Variants in SLC30A5 observed in about 807,000 individuals in gnomAD.
The protein encoded by SLC30A5 is proton-coupled zinc antiporter SLC30A5.
SLC30A5 carries 33 observed loss-of-function variants against 79.6 expected under a neutral mutation model. The observed-to-expected ratio is 0.41, with a 90% confidence interval of 0.31 to 0.55. The LOEUF is 0.55. Among genes scored for constraint, SLC30A5 ranks in the 20% least tolerant of loss-of-function variants. The pLI is 0.20. For missense variants in SLC30A5, 788 were observed against 928.1 expected, an observed-to-expected ratio of 0.85 and a Z score of 1.96; for synonymous variants, 299 against 319.7, an observed-to-expected ratio of 0.94 and a Z score of 0.69.
At chr5:69,122,690 T>C (rs890475568) in intron 13 of SLC30A5, among the ~76,000 whole-genome samples, 1 of 152,174 alleles carries the variant, frequency 6.6e-6, no homozygotes, top group African/African-American at 2.4e-5. Context: ...TGTTCTTAAA[T>C]GTTAGTTTTT....
intron 4 of SLC30A5, 92 bp from the exon 5 acceptor site, chr5:69,108,257 G>A: frequency 1.0e-6 from 1 of 968,788 alleles, no homozygotes; most frequent in South Asian, 1.5e-5. Context: ...AAATCAAGGG[G>A]AAATGTTTTT....
chr5:69,101,711 CT>C (rs1258119509), intron 2 of SLC30A5, among the ~76,000 whole-genome samples: 3 of 151,444 alleles, frequency 2.0e-5, no homozygotes, highest in Admixed American at 2.0e-4. Context: ...AATCCCAGCA[CT>C]TTGGGAGGCG....
rs148754212 is a variant in SLC30A5 at position 69,121,242 on chromosome 5, A to G, written c.1570-452A>G. 2.6e-3 allele frequency among the ~76,000 whole-genome samples: 396 copies of G among 152,346 alleles called. 5 individuals are homozygous for G. The Middle Eastern group carries it at 0.027, about 10-fold the overall frequency. On this transcript the variant is annotated intron_variant, in intron 12 of 15. Transcript: ENST00000396591. ...GAAAATTTTACTGTGTTTAAGACAT[A>G]ATAAGACCATATTTGGAATCTGCTC... is the stretch of plus-strand genomic sequence containing the variant.
intron 12 of SLC30A5, among the ~76,000 whole-genome samples, chr5:69,119,165 T>C (rs1746469378): frequency 6.6e-6 from 1 of 152,178 alleles, no homozygotes; most frequent in South Asian, 2.1e-4. Flanking sequence ...TTTCTTGTAG[T>C]TGGCATGTCC....
intron 3 of SLC30A5, chr5:69,103,830 A>G: frequency 1.5e-6 from 1 of 683,098 alleles, no homozygotes; most frequent in Non-Finnish European, 2.4e-6. Flanking sequence ...TTATGCCATG[A>G]CTTACAAACC....
intron 2 of SLC30A5, 105 bp downstream of exon 2, chr5:69,101,034 C>T: frequency 8.9e-7 from 1 of 1,122,412 alleles, no homozygotes; most frequent in East Asian, 2.5e-5. Flanking sequence ...TTGTTTGTTC[C>T]TCCTGACAAG....
chr5:69,118,276 G>GTA (rs1746432257), intron 11 of SLC30A5: 1 of 65,598 alleles, frequency 1.5e-5, no homozygotes. Flanking sequence ...CATATATAAC[G>GTA]TATATATATT....
intron 14 of SLC30A5, among the ~76,000 whole-genome samples, chr5:69,123,726 T>G (rs189457707): frequency 9.8e-4 from 149 of 152,326 alleles, no homozygotes; most frequent in Non-Finnish European, 1.6e-3. Flanking sequence ...GATTTCAATT[T>G]AGTTGCCTTC....
At chr5:69,121,648 A>G (rs1210520828) in intron 12 of SLC30A5, 46 bp from the exon 13 acceptor site, 3 of 1,336,512 alleles carry the variant, frequency 2.2e-6, no homozygotes, top group Non-Finnish European at 3.1e-6. Flanking sequence ...TAACAAGTCT[A>G]TTTTTAAATT....
chr5:69,127,473 CAAAAAAA>C lies in SLC30A5; in HGVS notation c.1999-515_1999-509del, dbSNP rs70989993. On this transcript the variant is annotated intron_variant, in intron 14 of 15. Coordinates refer to ENST00000396591, the MANE Select transcript of SLC30A5 (RefSeq NM_022902.5). ...GTGAAACCCCATCTGTACTAAAATA[CAAAAAAA>C]AAAAAAAAAAAAAAATTTAGCCAGG... is the stretch of plus-strand genomic sequence containing the variant. 8.1e-3 allele frequency among the ~76,000 whole-genome samples: 631 copies of C among 77,890 alleles called. 2 individuals are homozygous for C. Among genetic ancestry groups the C allele is most frequent in the Middle Eastern group, 0.031 (4 of 128 alleles). The allele number at this position is 77,890 out of a possible 152,430, so 51.1% of individuals were successfully genotyped here.
chr5:69,094,817 A>C (rs1409626543), intron 1 of SLC30A5, among the ~76,000 whole-genome samples: 1 of 152,126 alleles, frequency 6.6e-6, no homozygotes, highest in Non-Finnish European at 1.5e-5. Context: ...GAGCACATCG[A>C]GGGTCCAGCC....
intron 5 of SLC30A5, among the ~76,000 whole-genome samples, chr5:69,109,131 A>G (rs1001309611): frequency 6.6e-6 from 1 of 152,206 alleles, no homozygotes; most frequent in African/African-American, 2.4e-5. Context: ...AGTATTTCAT[A>G]TCACAATAGG....
Position 69,104,684 on chromosome 5 carries a change from G to C in SLC30A5, c.327G>C (p.Trp109Cys). The part of the protein sequence containing the change: ...AVAGCIISLL[W>C]FFGLTLCGPL... ...CTGGGTGTATTATTTCACTCTTGTG[G>C]TTTTTTGGCCTCACTCTTTGTGGAC... Residue 109 changes from tryptophan (W) to cysteine (C), a missense_variant, in exon 4 of 16, where the codon TGG (tryptophan) becomes TGC (cysteine). By Grantham distance (215) the Trp-to-Cys change is radical. Coordinates refer to ENST00000396591, the MANE Select transcript of SLC30A5 (RefSeq NM_022902.5). 1 of 1,590,018 alleles carries C rather than the reference G, an allele frequency of 6.3e-7. No homozygotes were observed. Among genetic ancestry groups the C allele is most frequent in the Non-Finnish European group, 8.5e-7 (1 of 1,170,946 alleles).
chr5:69,126,597 C>T (rs1746695088), intron 14 of SLC30A5, among the ~76,000 whole-genome samples: 2 of 151,932 alleles, frequency 1.3e-5, no homozygotes, highest in African/African-American at 2.4e-5. Context: ...CCCATCTCTA[C>T]TAAAACTACA....
At chr5:69,117,958 A>G (rs1390930930) in intron 11 of SLC30A5, among the ~76,000 whole-genome samples, 1 of 150,782 alleles carries the variant, frequency 6.6e-6, no homozygotes, top group Non-Finnish European at 1.5e-5. Context: ...GGCGGATCAC[A>G]GGGTCAGGAG....
intron 4 of SLC30A5, among the ~76,000 whole-genome samples, chr5:69,105,232 A>G (rs1034827742): frequency 6.6e-6 from 1 of 152,214 alleles, no homozygotes; most frequent in African/African-American, 2.4e-5. Context: ...TATATAGATT[A>G]GTCTTTTTCT....
In SLC30A5 at chr5:69,129,796, A is replaced by C. The variant is rs1746803203; in HGVS notation, c.*179A>C. 2.1e-6 allele frequency: 1 copy of C among 471,248 alleles called. No individual in the cohort carries two copies. Among genetic ancestry groups the C allele is most frequent in the Admixed American group, 4.0e-5 (1 of 25,222 alleles). The allele number at this position is 471,248 out of a possible 1,614,324, so 29.2% of individuals were successfully genotyped here. ...ATACAGAATGAAACATTAATGGTAA[A>C]AGTGGAGTAATTATTTAAATTATGT... On this transcript the variant is annotated 3_prime_UTR_variant, in exon 16 of 16. Transcript: ENST00000396591.
Position 69,128,014 on chromosome 5 carries a change from T to C in SLC30A5, c.2009T>C (p.Ile670Thr), listed in dbSNP as rs763811616. Residue 670 changes from isoleucine to threonine, a missense_variant, in exon 15 of 16, where the codon ATT (isoleucine) becomes ACT (threonine). By Grantham distance (89) the Ile-to-Thr change is moderately conservative. Around this residue, in one of 3 missense-constraint regions of SLC30A5, gnomAD observed 158 missense variants for 156.2 expected, o/e 1.01. Transcript: ENST00000396591. Reference sequence around the variant, plus strand: ...TCTTTTATTTGACAGATACAGAAAATTGAAGGATTAATATCATACCGAGAC... The same window carrying C: ...TCTTTTATTTGACAGATACAGAAAACTGAAGGATTAATATCATACCGAGAC... The part of the protein sequence containing the change: ...LHIALEKIQK[I>T]EGLISYRDPH... 1.9e-5 allele frequency: 31 copies of C among 1,609,894 alleles called. No individual in the cohort carries two copies. The African/African-American group carries it at 2.9e-4, about 15-fold the overall frequency.
Position 69,116,050 on chromosome 5 carries a change from G to A in SLC30A5, c.908G>A (p.Arg303His), listed in dbSNP as rs374636012. Residue 303 changes from arginine to histidine, a missense_variant, in exon 9 of 16, where the codon CGT (arginine) becomes CAT (histidine). By Grantham distance (29) the Arg-to-His change is conservative. Coordinates refer to ENST00000396591, the MANE Select transcript of SLC30A5 (RefSeq NM_022902.5). The surrounding 1 kb of genome is among the most constrained non-coding windows in gnomAD (Gnocchi z 4.0). The part of the protein sequence containing the change: ...SVKMEVSKCA[R>H]YGSFPIFISA... ...AAAATGGAAGTTTCCAAATGTGCTC[G>A]TTATGGATCCTTTCCCATTTTTATT... is the stretch of plus-strand genomic sequence containing the variant. 16 of 1,613,940 alleles carry A rather than the reference G, an allele frequency of 9.9e-6. 1 individual carries two copies. In the Admixed American group the frequency reaches 1.3e-4, roughly 13 times the overall value.
Sources: allele counts gnomAD v4.1 joint callset (sites outside exome capture counted in the v4.1 genomes callset), GRCh38; gene constraint gnomAD v4.1.1; regional missense constraint gnomAD v4.1.1; non-coding constraint Gnocchi (gnomAD v3.1); transcripts MANE v1.5; gene names NCBI Gene and HGNC (gene_info 2026-07-23, HGNC 2026-07-21).